Variants in ANKRD11 observed in about 807,000 individuals in gnomAD.
ANKRD11 encodes ankyrin repeat domain-containing protein 11.
ANKRD11 carries 17 observed loss-of-function variants against 195.7 expected under a neutral mutation model. The ratio of observed to expected loss-of-function variants is 0.09; its 90% CI spans 0.06 to 0.13. ANKRD11 has a LOEUF of 0.13. Ranked by LOEUF, ANKRD11 falls within the 10% of genes least tolerant of loss-of-function variation. ANKRD11 has a pLI of 1.00. For missense variants in ANKRD11, 3,735 were observed against 3,566.1 expected, an observed-to-expected ratio of 1.05 and a Z score of -1.21; for synonymous variants, 1,953 against 1,528.1, an observed-to-expected ratio of 1.28 and a Z score of -6.49.
chr16:89,407,852 CAAAAA>C (rs60723753), intron 2 of ANKRD11, among the ~76,000 whole-genome samples: 20 of 111,430 alleles, frequency 1.8e-4, no homozygotes, highest in Non-Finnish European at 2.4e-4. Context: ...TGTCTCCCTC[CAAAAA>C]AAAAAAAAAA....
intron 2 of ANKRD11, among the ~76,000 whole-genome samples, chr16:89,337,133 T>A (rs2151982907): frequency 6.6e-6 from 1 of 150,890 alleles, no homozygotes; most frequent in Non-Finnish European, 1.5e-5. Context: ...CTGCAGTGAG[T>A]TGAGATCACA....
rs377471988 is a variant in ANKRD11 at position 89,280,506 on chromosome 16, C to T, written c.6036G>A (p.Glu2012=). 33 of 1,604,076 alleles carry T rather than the reference C, an allele frequency of 2.1e-5. No individual in the cohort carries two copies. The highest frequency in any genetic ancestry group is 2.8e-5 in the Non-Finnish European group (33 of 1,175,922). ...AGGCGGGAGGGGCGGGGTACGGCGC[C>T]TCCGAGGCGCTGAAGGGCCCTGGGG... is the stretch of plus-strand genomic sequence containing the variant. ...SAAPGPFSAS[E]APYPAPPASP... The change falls in exon 9 of 13, where the codon GAG becomes GAA. Residue 2012 remains glutamate (E), a synonymous_variant. Transcript: ENST00000301030.
chr16:89,296,941 C>T (rs889532987), intron 4 of ANKRD11, among the ~76,000 whole-genome samples: 4 of 152,222 alleles, frequency 2.6e-5, no homozygotes, highest in African/African-American at 7.2e-5. Context: ...CAGCACCTGT[C>T]CCTCTTAGCT....
chr16:89,293,930 C>A (rs987196739), intron 4 of ANKRD11, among the ~76,000 whole-genome samples: 5 of 152,164 alleles, frequency 3.3e-5, no homozygotes, highest in African/African-American at 1.2e-4. Context: ...GGAGCCCACG[C>A]TGCGTCCCCG....
At chr16:89,276,749 TA>T (rs2033689530) in intron 9 of ANKRD11, among the ~76,000 whole-genome samples, 1 of 152,224 alleles carries the variant, frequency 6.6e-6, no homozygotes, top group Non-Finnish European at 1.5e-5. Context: ...TCTGCCCATC[TA>T]AAATCAGTTC....
intron 2 of ANKRD11, among the ~76,000 whole-genome samples, chr16:89,368,233 T>C (rs954193376): frequency 6.6e-6 from 1 of 151,928 alleles, no homozygotes; most frequent in Non-Finnish European, 1.5e-5. Flanking sequence ...TCTTGCTCTG[T>C]TGCCCAGGCC....
At chr16:89,451,133 C>T (rs2044051848) in intron 1 of ANKRD11, among the ~76,000 whole-genome samples, 2 of 152,166 alleles carry the variant, frequency 1.3e-5, no homozygotes, top group Admixed American at 6.5e-5. Context: ...CCACTTGGTC[C>T]TCTGTAGAAA....
At chr16:89,446,230 C>G (rs2043785902) in intron 1 of ANKRD11, among the ~76,000 whole-genome samples, 1 of 152,050 alleles carries the variant, frequency 6.6e-6, no homozygotes, top group Non-Finnish European at 1.5e-5. Flanking sequence ...TACAGAGTGT[C>G]GAGAACAAGA....
intron 1 of ANKRD11, among the ~76,000 whole-genome samples, chr16:89,471,686 G>A (rs960173512): frequency 6.8e-6 from 1 of 146,246 alleles, no homozygotes; most frequent in Non-Finnish European, 1.5e-5. Flanking sequence ...TTGGGAGGAT[G>A]AGGAAGGAGA....
intron 6 of ANKRD11, among the ~76,000 whole-genome samples, chr16:89,289,883 T>C (rs763798489): frequency 1.3e-5 from 2 of 151,840 alleles, no homozygotes; most frequent in Non-Finnish European, 2.9e-5. Flanking sequence ...CTACAAAAAA[T>C]AAAAAAATTA....
intron 2 of ANKRD11, among the ~76,000 whole-genome samples, chr16:89,375,198 A>C (rs1188956222): frequency 1.3e-5 from 2 of 152,102 alleles, no homozygotes; most frequent in Non-Finnish European, 1.5e-5. Flanking sequence ...GGTGAGCTCA[A>C]GTGTGTCGGT....
At chr16:89,389,659 G>A (rs2041083444) in intron 2 of ANKRD11, among the ~76,000 whole-genome samples, 1 of 152,250 alleles carries the variant, frequency 6.6e-6, no homozygotes, top group African/African-American at 2.4e-5. Context: ...TCAGAGAAAC[G>A]GCATGTCAAC....
In ANKRD11 at chr16:89,490,353, C is replaced by G. The variant is rs924011135; in HGVS notation, c.-253G>C. 6.7e-6 allele frequency: 1 copy of G among 148,648 alleles called. No homozygotes were observed. The highest frequency in any genetic ancestry group is 1.8e-4 in the South Asian group (1 of 5,590). The allele number at this position is 148,648 out of a possible 1,614,324, so 9.2% of individuals were successfully genotyped here. Reference sequence around the variant, plus strand: ...GGGCCGCGCGGCCCGAGCGGCAAGGCGGCGGCGGCGGCGGCGCGGGCTCGG... The same window carrying G: ...GGGCCGCGCGGCCCGAGCGGCAAGGGGGCGGCGGCGGCGGCGCGGGCTCGG... On this transcript the variant is annotated 5_prime_UTR_variant, in exon 1 of 13. Transcript: ENST00000301030.
At position 89,348,081 on chromosome 16, in the gene ANKRD11, G is replaced by A. The variant is rs149848311; in HGVS notation, c.-59-31003C>T. ...CCAGGGTAACTGGGACTACAGGCGC[G>A]CCACCCTGCCCAGCTCATTTTTGTA... On this transcript the variant is annotated intron_variant, in intron 2 of 12. Transcript: ENST00000301030. Among the ~76,000 whole-genome samples, 762 of 151,910 alleles carry A rather than the reference G, an allele frequency of 5.0e-3. 5 individuals carry two copies. Among genetic ancestry groups the A allele is most frequent in the African/African-American group, 0.018 (736 of 41,418 alleles).
At chr16:89,293,227 G>GA (rs1482193419) in intron 4 of ANKRD11, among the ~76,000 whole-genome samples, 1 of 152,192 alleles carries the variant, frequency 6.6e-6, no homozygotes, top group Non-Finnish European at 1.5e-5. Flanking sequence ...AGAACACGAG[G>GA]AAAGCAGAAT....
rs1691887352 is a variant in ANKRD11 at position 89,283,333 on chromosome 16, T to C, written c.3209A>G (p.His1070Arg). The C allele has an allele frequency of 1.2e-6, 2 of 1,613,880 alleles. No individual in the cohort carries two copies. Among genetic ancestry groups the C allele is most frequent in the Non-Finnish European group, 1.7e-6 (2 of 1,180,042 alleles). ...CGCTTTCCTTTCTTTGTCTTTGCCATGTGTGTCTTTATGTTTTTCCTTGGT... is the reference window on the plus strand; with the variant it reads ...CGCTTTCCTTTCTTTGTCTTTGCCACGTGTGTCTTTATGTTTTTCCTTGGT... ...KDTKEKHKDT[H>R]GKDKERKASL... The change falls in exon 9 of 13, where the codon CAT becomes CGT. Residue 1070 changes from histidine to arginine, a missense_variant. His to Arg is a conservative substitution (Grantham distance 29). Coordinates refer to ENST00000301030, the MANE Select transcript of ANKRD11 (RefSeq NM_013275.6). This position sits in a 1 kb window ranked among gnomAD's most constrained non-coding sequence, Gnocchi z 4.3.
chr16:89,409,388 T>A (rs2042031621), intron 2 of ANKRD11, among the ~76,000 whole-genome samples: 2 of 152,134 alleles, frequency 1.3e-5, no homozygotes, highest in South Asian at 4.1e-4. Flanking sequence ...GCGGTCCCCA[T>A]CCTCAGGCCA....
chr16:89,370,278 C>T (rs1295032767), intron 2 of ANKRD11, among the ~76,000 whole-genome samples: 1 of 152,178 alleles, frequency 6.6e-6, no homozygotes, highest in Admixed American at 6.5e-5. Context: ...GGCCTGTGCC[C>T]AACTATGTGG....
Position 89,352,282 on chromosome 16 carries a change from TGG to T in ANKRD11, c.-59-35206_-59-35205del, listed in dbSNP as rs1167123988. On this transcript the variant is annotated intron_variant, in intron 2 of 12. Coordinates refer to ENST00000301030, the MANE Select transcript of ANKRD11 (RefSeq NM_013275.6). ...TTGTCCTAAGGACTGGATCTCACAG[TGG>T]CCAGGTATGCATCACGCCACGCGGT... Among the ~76,000 whole-genome samples, 23 of 151,940 alleles carry T rather than the reference TGG, an allele frequency of 1.5e-4. No homozygotes were observed. The East Asian group carries it at 3.3e-3, about 22-fold the overall frequency.
Sources: gnomAD v4.1 joint callset for allele counts (sites outside exome capture counted in the v4.1 genomes callset) on GRCh38, gnomAD v4.1.1 for gene constraint, Gnocchi (gnomAD v3.1) non-coding constraint, MANE v1.5 for transcripts, NCBI Gene and HGNC (gene_info 2026-07-23, HGNC 2026-07-21) for gene names.